The following ALK variants were observed in gnomAD, a reference collection of about 807,000 sequenced individuals.
ALK encodes ALK tyrosine kinase receptor.
Under a neutral mutation model 163.1 loss-of-function variants are expected in ALK, and 74 were observed. The ratio of observed to expected loss-of-function variants is 0.45; its 90% confidence interval spans 0.38 to 0.55. ALK has a LOEUF of 0.55. Among genes scored for constraint, ALK ranks in the 20% least tolerant of loss-of-function variants. The pLI is 0.00. For missense variants in ALK, 2,063 were observed against 2,105.3 expected (o/e 0.98, Z 0.39); for synonymous variants, 960 against 843.2 (o/e 1.14, Z -2.40).
intron 1 of ALK, among the ~76,000 whole-genome samples, chr2:29,776,936 G>A (rs935721346): frequency 6.6e-6 from 1 of 152,222 alleles, no homozygotes; most frequent in South Asian, 2.1e-4. Context: ...AGGACTACTT[G>A]TGACCTAAGA....
Position 29,920,724 on chromosome 2 carries a change from T to C in ALK, c.-65A>G. ...GCCTCACCCTTCGCTCTCCCCGAGA[T>C]GGGAAGAGGCTCTGAACAGTCCTTG... On this transcript the variant is annotated 5_prime_UTR_variant, in exon 1 of 29. Coordinates refer to ENST00000389048, the MANE Select transcript of ALK (RefSeq NM_004304.5). 2 of 1,401,618 alleles carry C rather than the reference T, an allele frequency of 1.4e-6. No individual in the cohort carries two copies. The highest frequency in any genetic ancestry group is 1.9e-6 in the Non-Finnish European group (2 of 1,027,982). 86.8% of individuals were successfully genotyped at this position (1,401,618 alleles called of 1,614,324 possible). A position where few individuals can be genotyped will look rare whatever the true frequency, so the allele number is the denominator to read the frequency against.
intron 1 of ALK, among the ~76,000 whole-genome samples, chr2:29,768,398 T>G (rs990571009): frequency 6.6e-6 from 1 of 152,178 alleles, no homozygotes; most frequent in Non-Finnish European, 1.5e-5. Flanking sequence ...TATACTTTCT[T>G]GGTATAAAGC....
At chr2:29,913,244 T>C (rs957668624) in intron 1 of ALK, among the ~76,000 whole-genome samples, 2 of 152,200 alleles carry the variant, frequency 1.3e-5, no homozygotes, top group Non-Finnish European at 2.9e-5. Flanking sequence ...GCGAATCTGA[T>C]AGAATTTCCC....
intron 8 of ALK, among the ~76,000 whole-genome samples, chr2:29,309,645 G>A (rs750638879): frequency 2.6e-5 from 4 of 151,046 alleles, no homozygotes; most frequent in African/African-American, 9.7e-5. Context: ...AGAAAGCTCA[G>A]GAAGGTGTCA....
At chr2:29,748,039 G>C (rs1680252090) in intron 1 of ALK, among the ~76,000 whole-genome samples, 1 of 152,196 alleles carries the variant, frequency 6.6e-6, no homozygotes, top group Non-Finnish European at 1.5e-5. Context: ...TGATGAGATT[G>C]CCTACCTGTC....
intron 1 of ALK, among the ~76,000 whole-genome samples, chr2:29,755,984 C>T (rs1680514684): frequency 6.6e-6 from 1 of 152,210 alleles, no homozygotes; most frequent in Non-Finnish European, 1.5e-5. Context: ...GGCCCAGATG[C>T]ACCTCAGTTG....
At chr2:29,319,701 G>C (rs1220607496) in intron 7 of ALK, among the ~76,000 whole-genome samples, 1 of 152,240 alleles carries the variant, frequency 6.6e-6, no homozygotes, top group Non-Finnish European at 1.5e-5. Flanking sequence ...CCGCAGGGCT[G>C]GATGCTTATT....
At chr2:29,342,212 G>A (rs1667814193) in intron 5 of ALK, among the ~76,000 whole-genome samples, 1 of 152,230 alleles carries the variant, frequency 6.6e-6, no homozygotes, top group Admixed American at 6.5e-5. Context: ...TGGTGGGAAT[G>A]TAAAATGGTG....
At chr2:29,198,959 T>G (rs1378572093) in intron 26 of ALK, among the ~76,000 whole-genome samples, 2 of 126,704 alleles carry the variant, frequency 1.6e-5, no homozygotes, top group African/African-American at 6.7e-5. Flanking sequence ...ATTAGTTGTT[T>G]TCTTTTTTTT....
At chr2:29,392,611 A>T (rs975936922) in intron 4 of ALK, among the ~76,000 whole-genome samples, 3 of 152,072 alleles carry the variant, frequency 2.0e-5, no homozygotes, top group African/African-American at 7.2e-5. Flanking sequence ...CTGGCTGAGC[A>T]TTTTTTCTTC....
intron 1 of ALK, among the ~76,000 whole-genome samples, chr2:29,725,231 ACT>A (rs1373959771): frequency 6.8e-6 from 1 of 147,454 alleles, no homozygotes; most frequent in Non-Finnish European, 1.5e-5. Context: ...GAGCCCAAAC[ACT>A]CTGGCCACTG....
intron 23 of ALK, among the ~76,000 whole-genome samples, chr2:29,214,306 A>G (rs1367576542): frequency 6.6e-6 from 1 of 152,168 alleles, no homozygotes; most frequent in African/African-American, 2.4e-5. Context: ...GTATTTGTAC[A>G]TTTGAAGTCT....
chr2:29,606,453 C>T (rs144286899), intron 3 of ALK, among the ~76,000 whole-genome samples: 5 of 152,282 alleles, frequency 3.3e-5, no homozygotes, highest in East Asian at 3.9e-4. Flanking sequence ...AGAATTTAAG[C>T]GTATTTGAGA....
chr2:29,677,742 C>G (rs759055989), intron 3 of ALK, among the ~76,000 whole-genome samples: 1 of 152,004 alleles, frequency 6.6e-6, no homozygotes, highest in African/African-American at 2.4e-5. Context: ...CAGGGGTTTT[C>G]TTTCCTTGTC....
intron 1 of ALK, among the ~76,000 whole-genome samples, chr2:29,850,175 G>A (rs1305974836): frequency 1.3e-5 from 2 of 152,154 alleles, no homozygotes; most frequent in Non-Finnish European, 2.9e-5. Context: ...ACAACTACAG[G>A]CAACACTGTG....
rs73921138 is a variant in ALK, at chr2:29,650,792, T to C, written c.952+44058A>G. ...ATTCAACCAAAGGGAAAATGGCAAGTGAAAGTGTGTGCCCCCTCCCCTCTG... is the reference window on the plus strand; with the variant it reads ...ATTCAACCAAAGGGAAAATGGCAAGCGAAAGTGTGTGCCCCCTCCCCTCTG... On this transcript the variant is annotated intron_variant, in intron 3 of 28. Transcript: ENST00000389048. Among the ~76,000 whole-genome samples, 1,213 of 152,142 alleles carry C rather than the reference T, an allele frequency of 8.0e-3. 16 individuals are homozygous for C. The highest frequency in any genetic ancestry group is 0.027 in the African/African-American group (1,126 of 41,522).
At chr2:29,605,719 T>C (rs957775811) in intron 3 of ALK, among the ~76,000 whole-genome samples, 2 of 152,176 alleles carry the variant, frequency 1.3e-5, no homozygotes, top group African/African-American at 4.8e-5. Flanking sequence ...CCTCCAGAAC[T>C]ATGAGAAATC....
chr2:29,226,897 G>T, intron 18 of ALK, 25 bp downstream of exon 18: 1 of 1,613,704 alleles, frequency 6.2e-7, no homozygotes, highest in Non-Finnish European at 8.5e-7. Flanking sequence ...GGGCCCCTCT[G>T]CCTCCCCTGG....
chr2:29,293,088 C>T (rs1298965512), intron 9 of ALK, among the ~76,000 whole-genome samples: 1 of 152,188 alleles, frequency 6.6e-6, no homozygotes, highest in East Asian at 1.9e-4. Flanking sequence ...AAAGATAATT[C>T]CTTGTCACAG....
Sources: gnomAD v4.1 joint callset for allele counts (sites outside exome capture counted in the v4.1 genomes callset) on GRCh38, gnomAD v4.1.1 for gene constraint, MANE v1.5 for transcripts, NCBI Gene and HGNC (gene_info 2026-07-23, HGNC 2026-07-21) for gene names.